The following LRP5 variants were observed in gnomAD, a reference collection of about 807,000 sequenced individuals.
LRP5 encodes the protein low-density lipoprotein receptor-related protein 5.
Under a neutral mutation model 154.1 loss-of-function variants are expected in LRP5, and 62 were observed. The ratio of observed to expected loss-of-function variants is 0.40; its 90% CI spans 0.33 to 0.50. The LOEUF (loss-of-function observed/expected upper bound fraction) is 0.50. Among genes scored for constraint, LRP5 ranks in the 20% least tolerant of loss-of-function variants. LRP5 has a pLI of 0.55. For synonymous variants in LRP5, 966 were observed against 1,011.5 expected (o/e 0.96, Z 0.85); for missense variants, 1,915 against 2,336.7 (o/e 0.82, Z 3.72).
At chr11:68,345,062 C>T (rs990735053) in intron 1 of LRP5, among the ~76,000 whole-genome samples, 2 of 151,752 alleles carry the variant, frequency 1.3e-5, no homozygotes, top group African/African-American at 4.8e-5. Flanking sequence ...AGGGTTTCAC[C>T]ATCTTGGCCA....
At position 68,426,046 on chromosome 11, in the gene LRP5, C is replaced by A; in HGVS notation, c.3496C>A (p.His1166Asn). Reference protein sequence around the residue: ...QPLGLTILGKHLYWIDRQQQM... With the variant: ...QPLGLTILGKNLYWIDRQQQM... ...TCTGGGCCTGACCATCCTTGGCAAG[C>A]ATCTCTACTGGATCGACCGCCAGCA... The change falls in exon 16 of 23, where the codon CAT becomes AAT. Residue 1166 changes from histidine (H) to asparagine (N), a missense_variant. Physicochemically the swap from His to Asn is moderately conservative, Grantham distance 68. Coordinates refer to ENST00000294304, the MANE Select transcript of LRP5 (RefSeq NM_002335.4). The A allele has an allele frequency of 6.2e-7, 1 of 1,613,690 alleles. No individual in the cohort carries two copies. Among genetic ancestry groups the A allele is most frequent in the Non-Finnish European group, 8.5e-7 (1 of 1,180,042 alleles).
Position 68,413,951 on chromosome 11 carries a change from C to T in LRP5, c.2766C>T (p.Gly922=), listed in dbSNP as rs139372523. 3.6e-5 allele frequency: 58 copies of T among 1,609,074 alleles called. No homozygotes were observed. The highest frequency in any genetic ancestry group is 3.5e-4 in the African/African-American group (26 of 74,916). ...QCGQLCLAIP[G]GHRCGCASHY... ...GGCAGCTGTGCCTTGCCATCCCCGG[C>T]GGCCACCGCTGCGGCTGCGCCTCAC... The change falls in exon 12 of 23, where the codon GGC becomes GGT. Residue 922 remains glycine (G), a synonymous_variant. Coordinates refer to ENST00000294304, the MANE Select transcript of LRP5 (RefSeq NM_002335.4). The surrounding 1 kb of genome is among the most constrained non-coding windows in gnomAD (Gnocchi z 5.1).
Position 68,340,087 on chromosome 11 carries a change from A to G in LRP5, c.92-7760A>G, listed in dbSNP as rs552288885. On this transcript the variant is annotated intron_variant, in intron 1 of 22. Transcript: ENST00000294304. ...AAAACCCCGTCTCTACTAAAAATACAAAATTAGCTGGGCGTGGTGGCGTGT... is the reference window on the plus strand; with the variant it reads ...AAAACCCCGTCTCTACTAAAAATACGAAATTAGCTGGGCGTGGTGGCGTGT... Among the ~76,000 whole-genome samples the G allele has an allele frequency of 1.8e-3, 271 of 152,172 alleles. 1 individual carries two copies. Among genetic ancestry groups the G allele is most frequent in the Non-Finnish European group, 3.2e-3 (220 of 68,000 alleles).
rs3781591 is a variant in LRP5, at chr11:68,391,652, C to T, written c.1584+1600C>T. Among the ~76,000 whole-genome samples the T allele has an allele frequency of 1.4e-4, 21 of 152,322 alleles. No individual in the cohort carries two copies. In the East Asian group the frequency reaches 3.3e-3, roughly 24 times the overall value. On this transcript the variant is annotated intron_variant, in intron 7 of 22. Transcript: ENST00000294304. ...GAGTGGACGCCCTTCCCACGAAAAC[C>T]CTAGGAGCTGCAGGTGTGGCCATTT... is the stretch of plus-strand genomic sequence containing the variant.
At chr11:68,377,094 A>G (rs1265241642) in intron 5 of LRP5, among the ~76,000 whole-genome samples, 1 of 152,082 alleles carries the variant, frequency 6.6e-6, no homozygotes, top group Non-Finnish European at 1.5e-5. Flanking sequence ...ACATGGTGAA[A>G]TCCCATCCCC....
chr11:68,302,725 C>T, the LRP5 span, among the ~76,000 whole-genome samples: 1 of 152,212 alleles, frequency 6.6e-6, no homozygotes, highest in Non-Finnish European at 1.5e-5. Flanking sequence ...GGGGGCATGA[C>T]ACACATGTCT....
At chr11:68,433,160 G>C (rs552437528) in intron 17 of LRP5, among the ~76,000 whole-genome samples, 2 of 152,312 alleles carry the variant, frequency 1.3e-5, no homozygotes, top group South Asian at 4.1e-4. Flanking sequence ...CCTGCTTTCT[G>C]CCCCTCTGGT....
intron 4 of LRP5, among the ~76,000 whole-genome samples, chr11:68,365,341 G>C (rs115821167): frequency 8.1e-4 from 122 of 151,258 alleles, no homozygotes; most frequent in African/African-American, 2.8e-3. Context: ...GGCTGGTTTT[G>C]GGGAAATTGC....
chr11:68,437,233 G>A (rs1252128779), intron 19 of LRP5, among the ~76,000 whole-genome samples: 1 of 152,238 alleles, frequency 6.6e-6, no homozygotes, highest in Non-Finnish European at 1.5e-5. Context: ...GGGCGGGGCT[G>A]ATGGTGTCCA....
At chr11:68,427,965 AT>A (rs751120972) in intron 16 of LRP5, among the ~76,000 whole-genome samples, 3,693 of 120,332 alleles carry the variant, frequency 0.031, 121 homozygotes, top group African/African-American at 0.083. Flanking sequence ...ATTTTATTTT[AT>A]TTTATTTTTT....
chr11:68,377,288 T>C (rs1292980038), intron 5 of LRP5, among the ~76,000 whole-genome samples: 1 of 152,180 alleles, frequency 6.6e-6, no homozygotes, highest in African/African-American at 2.4e-5. Flanking sequence ...CTGGCTGCCC[T>C]GACCCCAGGC....
At position 68,331,767 on chromosome 11, in the gene LRP5, GTGTGTGTT is replaced by G. The variant is rs965177992; in HGVS notation, c.92-16077_92-16070del. On this transcript the variant is annotated intron_variant, in intron 1 of 22. Transcript: ENST00000294304. ...GCTGTGTGTGTGTGTGTGTGTGTGT[GTGTGTGTT>G]TGAGTGTGCAAGTGTGTGCATTAGG... is the stretch of plus-strand genomic sequence containing the variant. 6.6e-4 allele frequency among the ~76,000 whole-genome samples: 101 copies of G among 151,936 alleles called. 2 individuals carry two copies. The South Asian group carries it at 0.017, about 26-fold the overall frequency.
In LRP5 at chr11:68,431,060, G is replaced by C. The variant is rs542141356; in HGVS notation, c.3763+1360G>C. 2.0e-5 allele frequency among the ~76,000 whole-genome samples: 3 copies of C among 152,076 alleles called. No homozygotes were observed. In the South Asian group the frequency reaches 6.2e-4, roughly 31 times the overall value. On this transcript the variant is annotated intron_variant, in intron 17 of 22. Coordinates refer to ENST00000294304, the MANE Select transcript of LRP5 (RefSeq NM_002335.4). ...GGCAGTAGTAATAAAGTGACCATCT[G>C]TATCCTCACCACAGTGAAGCCTGTC...
At chr11:68,395,197 A>G (rs146462546) in intron 7 of LRP5, among the ~76,000 whole-genome samples, 3,975 of 149,814 alleles carry the variant, frequency 0.027, 180 homozygotes, top group African/African-American at 0.092. Context: ...GCTGCTTGGG[A>G]GGCTGAGGCA....
Position 68,348,367 on chromosome 11 carries a change from G to T in LRP5, c.488+124G>T, listed in dbSNP as rs1457589971. On this transcript the variant is annotated intron_variant, in intron 2 of 22. Transcript: ENST00000294304. ...GTGTGACTCTGAAAATGAACCCGTG[G>T]GGGGGTTGGCTCAGGCCTGTAACCC... 15 of 1,318,174 alleles carry T rather than the reference G, an allele frequency of 1.1e-5. No homozygotes were observed. The East Asian group carries it at 2.7e-4, about 24-fold the overall frequency. 81.7% of individuals were successfully genotyped at this position (1,318,174 alleles called of 1,614,324 possible). A position where few individuals can be genotyped will look rare whatever the true frequency, so the allele number is the denominator to read the frequency against.
At chr11:68,440,808 C>G (rs564876845) in intron 21 of LRP5, among the ~76,000 whole-genome samples, 1 of 152,106 alleles carries the variant, frequency 6.6e-6, no homozygotes, top group African/African-American at 2.4e-5. Flanking sequence ...CTTTTGTTGC[C>G]CAGGCTTCAG....
chr11:68,362,006 G>A (rs991800452), intron 3 of LRP5, among the ~76,000 whole-genome samples: 2 of 152,334 alleles, frequency 1.3e-5, no homozygotes, highest in Admixed American at 6.5e-5. Flanking sequence ...CACAACAGCC[G>A]AGGGTGGAAA....
intron 13 of LRP5, among the ~76,000 whole-genome samples, chr11:68,417,624 C>T (rs913485220): frequency 5.3e-5 from 8 of 151,694 alleles, no homozygotes; most frequent in Admixed American, 5.3e-4. Flanking sequence ...CCGCGGCCGG[C>T]CAGATTTGCA....
Position 68,425,998 on chromosome 11 carries a change from G to A in LRP5, c.3448G>A (p.Glu1150Lys), listed in dbSNP as rs2098668554. ...TGCAGGGGCCAACCGCCTGACCCTG[G>A]AGGACGCCAACATCGTGCAGCCTCT... Reference protein sequence around the residue: ...DLSGANRLTLEDANIVQPLGL... With the variant: ...DLSGANRLTLKDANIVQPLGL... Residue 1150 changes from glutamate to lysine, a missense_variant, in exon 16 of 23, where the codon GAG (glutamate) becomes AAG (lysine). Glu to Lys is a moderately conservative substitution (Grantham distance 56). Around this residue, in one of 3 missense-constraint regions of LRP5, gnomAD observed 1,094 missense variants for 1,210.1 expected, o/e 0.90. Coordinates refer to ENST00000294304, the MANE Select transcript of LRP5 (RefSeq NM_002335.4). The A allele has an allele frequency of 6.2e-6, 10 of 1,612,270 alleles. No individual in the cohort carries two copies. Among genetic ancestry groups the A allele is most frequent in the Non-Finnish European group, 8.5e-6 (10 of 1,180,034 alleles).
Sources: gnomAD v4.1 joint callset for allele counts (sites outside exome capture counted in the v4.1 genomes callset) on GRCh38, gnomAD v4.1.1 for gene constraint, gnomAD v4.1.1 regional missense constraint, Gnocchi (gnomAD v3.1) non-coding constraint, MANE v1.5 for transcripts, NCBI Gene and HGNC (gene_info 2026-07-23, HGNC 2026-07-21) for gene names.